Variants in BIRC2 observed in about 807,000 individuals in gnomAD.
BIRC2 encodes baculoviral IAP repeat containing 2, also known as baculoviral IAP repeat-containing protein 2.
Under a neutral mutation model 60.9 loss-of-function variants are expected in BIRC2, and 18 were observed. The ratio of observed to expected loss-of-function variants is 0.30; its 90% CI spans 0.20 to 0.44. BIRC2 has a LOEUF of 0.44. Ranked by LOEUF, BIRC2 falls within the 20% of genes least tolerant of loss-of-function variation. The pLI is 1.00. For synonymous variants in BIRC2, 282 were observed against 247.7 expected (o/e 1.14, Z -1.30); for missense variants, 701 against 728.5 (o/e 0.96, Z 0.43).
At chr11:102,355,747 C>T (rs151233871) in intron 3 of BIRC2, among the ~76,000 whole-genome samples, 48 of 152,102 alleles carry the variant, frequency 3.2e-4, no homozygotes, top group Non-Finnish European at 5.1e-4. Flanking sequence ...TTTAAGAACA[C>T]GAGATTGTTT....
At position 102,349,653 on chromosome 11, in the gene BIRC2, A is replaced by G. The variant is rs1228087856; in HGVS notation, c.-202A>G. On this transcript the variant is annotated 5_prime_UTR_variant, in exon 2 of 9. Coordinates refer to ENST00000227758, the MANE Select transcript of BIRC2 (RefSeq NM_001166.5). ...TGAAAGAGTTACTACAACCCCAAAG[A>G]GTTGTGTTCTAAGTAGTATCTTGGT... 2.0e-6 allele frequency: 1 copy of G among 510,858 alleles called. No homozygotes were observed. Among genetic ancestry groups the G allele is most frequent in the Admixed American group, 3.6e-5 (1 of 27,606 alleles). The allele number at this position is 510,858 out of a possible 1,614,324, so 31.6% of individuals were successfully genotyped here.
intron 3 of BIRC2, among the ~76,000 whole-genome samples, chr11:102,361,328 A>G (rs1311823717): frequency 6.6e-6 from 1 of 152,052 alleles, no homozygotes; most frequent in Non-Finnish European, 1.5e-5. Context: ...GCAGCCAGAG[A>G]GCTGGGATCT....
At chr11:102,359,178 AGTCTGTTT>A (rs1395491896) in intron 3 of BIRC2, among the ~76,000 whole-genome samples, 4 of 152,202 alleles carry the variant, frequency 2.6e-5, no homozygotes, top group Admixed American at 2.0e-4. Context: ...TAGTTATAGT[AGTCTGTTT>A]CAAGCACTAA....
intron 3 of BIRC2, among the ~76,000 whole-genome samples, chr11:102,358,745 G>A (rs1356842752): frequency 6.6e-6 from 1 of 152,118 alleles, no homozygotes; most frequent in African/African-American, 2.4e-5. Context: ...TCTTTTTACA[G>A]TTTTTGATGT....
chr11:102,374,797 T>G (rs1323718916), intron 6 of BIRC2, among the ~76,000 whole-genome samples: 1 of 152,240 alleles, frequency 6.6e-6, no homozygotes, highest in East Asian at 1.9e-4. Flanking sequence ...GATCTCAGAC[T>G]GCTGTGCTAG....
At chr11:102,363,544 C>T (rs1432410927) in intron 4 of BIRC2, 124 bp from the exon 5 acceptor site, 3 of 589,036 alleles carry the variant, frequency 5.1e-6, no homozygotes, top group Non-Finnish European at 8.7e-6. Flanking sequence ...AAGCAAAGGT[C>T]ATAAATCACT....
chr11:102,357,049 A>G (rs1951431034), intron 3 of BIRC2, among the ~76,000 whole-genome samples: 1 of 152,306 alleles, frequency 6.6e-6, no homozygotes, highest in East Asian at 1.9e-4. Flanking sequence ...CCATCCTTGC[A>G]TCTCAGGGAT....
chr11:102,377,202 GTAT>G (rs878939891), intron 6 of BIRC2, among the ~76,000 whole-genome samples: 5 of 152,114 alleles, frequency 3.3e-5, no homozygotes, highest in Admixed American at 2.6e-4. Context: ...AAATACAAGA[GTAT>G]TATTATATAT....
chr11:102,377,618 A>G lies in BIRC2; in HGVS notation c.1489A>G (p.Lys497Glu), dbSNP rs765198385. The G allele has an allele frequency of 3.7e-6, 6 of 1,611,972 alleles. No individual in the cohort carries two copies. Among genetic ancestry groups the G allele is most frequent in the Non-Finnish European group, 5.1e-6 (6 of 1,179,454 alleles). The change falls in exon 7 of 9, where the codon AAA becomes GAA. Residue 497 changes from lysine to glutamate, a missense_variant. By Grantham distance (56) the Lys-to-Glu change is moderately conservative. Transcript: ENST00000227758. ...VINKQEHDII[K>E]QKTQIPLQAR... ...TAATAAACAGGAACATGATATTATTAAACAAAAAACACAGATACCTTTACA... is the reference window on the plus strand; with the variant it reads ...TAATAAACAGGAACATGATATTATTGAACAAAAAACACAGATACCTTTACA...
chr11:102,377,760 T>C lies in BIRC2; in HGVS notation c.1621+10T>C, dbSNP rs373790519. 2.5e-6 allele frequency: 4 copies of C among 1,593,254 alleles called. No individual in the cohort carries two copies. Among genetic ancestry groups the C allele is most frequent in the Non-Finnish European group, 3.4e-6 (4 of 1,175,538 alleles). On this transcript the variant is annotated intron_variant, in intron 7 of 8. Coordinates refer to ENST00000227758, the MANE Select transcript of BIRC2 (RefSeq NM_001166.5). ...TATAAGAACTTATTTGGTGAGTTTG[T>C]TGGGAAAATTATTTTAGAAATTCTT... is the stretch of plus-strand genomic sequence containing the variant.
In BIRC2 at chr11:102,377,557, T is replaced by A; in HGVS notation, c.1428T>A (p.Leu476=). ...MALFQQLTCV[L]PILDNLLKAN... ...TCTTTCAACAATTGACATGTGTGCT[T>A]CCTATCCTGGATAATCTTTTAAAGG... Residue 476 remains leucine (L), a synonymous_variant, in exon 7 of 9, where the codon CTT becomes CTA. Coordinates refer to ENST00000227758, the MANE Select transcript of BIRC2 (RefSeq NM_001166.5). 6.2e-7 allele frequency: 1 copy of A among 1,610,462 alleles called. No homozygotes were observed. Among genetic ancestry groups the A allele is most frequent in the Non-Finnish European group, 8.5e-7 (1 of 1,178,690 alleles).
intron 3 of BIRC2, among the ~76,000 whole-genome samples, chr11:102,358,704 C>T (rs1190372650): frequency 6.6e-6 from 1 of 151,972 alleles, no homozygotes; most frequent in East Asian, 1.9e-4. Context: ...GGAATTGGCC[C>T]CTTTCTCATT....
chr11:102,355,321 A>T (rs544523005), intron 3 of BIRC2, among the ~76,000 whole-genome samples: 3 of 152,204 alleles, frequency 2.0e-5, no homozygotes, highest in Admixed American at 1.3e-4. Context: ...TGTTTTACAT[A>T]AAAACGGTGT....
chr11:102,351,979 C>T (rs980130813), intron 3 of BIRC2, among the ~76,000 whole-genome samples: 5 of 152,156 alleles, frequency 3.3e-5, no homozygotes, highest in African/African-American at 4.8e-5. Context: ...AACCGTTCTG[C>T]GATTATACCG....
intron 6 of BIRC2, among the ~76,000 whole-genome samples, chr11:102,374,486 C>T (rs1169811019): frequency 3.3e-5 from 5 of 150,230 alleles, no homozygotes; most frequent in African/African-American, 9.8e-5. Flanking sequence ...GCTCGGGGGT[C>T]AGGGGTCAGG....
Position 102,350,034 on chromosome 11 carries a change from G to A in BIRC2, c.180G>A (p.Val60=), listed in dbSNP as rs201622293. 2 of 1,614,080 alleles carry A rather than the reference G, an allele frequency of 1.2e-6. No individual in the cohort carries two copies. The highest frequency in any genetic ancestry group is 1.3e-5 in the African/African-American group (1 of 74,918). The change falls in exon 2 of 9, where the codon GTG becomes GTA. Residue 60 remains valine, a synonymous_variant. Transcript: ENST00000227758. ...CATATTCAACTTTCCCCGCCGGGGTGCCTGTCTCAGAAAGGAGTCTTGCTC... is the reference window on the plus strand; with the variant it reads ...CATATTCAACTTTCCCCGCCGGGGTACCTGTCTCAGAAAGGAGTCTTGCTC... ...MSTYSTFPAG[V]PVSERSLARA...
chr11:102,363,832 A>C (rs1472922480), intron 5 of BIRC2, 116 bp downstream of exon 5: 3 of 687,076 alleles, frequency 4.4e-6, no homozygotes, highest in Non-Finnish European at 7.1e-6. Flanking sequence ...CGAGGTTGAC[A>C]GATCACCTGA....
chr11:102,352,804 A>G lies in BIRC2; in HGVS notation c.995+1861A>G, dbSNP rs1028964041. On this transcript the variant is annotated intron_variant, in intron 3 of 8. Coordinates refer to ENST00000227758, the MANE Select transcript of BIRC2 (RefSeq NM_001166.5). Reference sequence around the variant, plus strand: ...ATATAAGTGGAATCATACATCACAGATTATGTTTTTACCTGTGAGTGTCTT... The same window carrying G: ...ATATAAGTGGAATCATACATCACAGGTTATGTTTTTACCTGTGAGTGTCTT... Among the ~76,000 whole-genome samples, 87 of 152,314 alleles carry G rather than the reference A, an allele frequency of 5.7e-4. 1 individual carries two copies. Among genetic ancestry groups the G allele is most frequent in the African/African-American group, 2.0e-3 (85 of 41,560 alleles).
intron 4 of BIRC2, 80 bp from the exon 5 acceptor site, chr11:102,363,583 TTAAAG>T: frequency 9.5e-7 from 1 of 1,050,728 alleles, no homozygotes; most frequent in Non-Finnish European, 1.4e-6. Flanking sequence ...ATACATTTAC[TTAAAG>T]TAAGCTTATT....
Sources: gnomAD v4.1 joint callset for allele counts (sites outside exome capture counted in the v4.1 genomes callset) on GRCh38, gnomAD v4.1.1 for gene constraint, MANE v1.5 for transcripts, NCBI Gene and HGNC (gene_info 2026-07-23, HGNC 2026-07-21) for gene names.